Variants in ARID5A observed in about 807,000 individuals in gnomAD.
ARID5A encodes AT-rich interaction domain 5A, also known as AT-rich interactive domain-containing protein 5A.
Under a neutral mutation model 30.5 loss-of-function variants are expected in ARID5A, and 14 were observed. The observed-to-expected ratio is 0.46, with a 90% CI of 0.30 to 0.72. ARID5A has a LOEUF of 0.72. Among genes scored for constraint, ARID5A ranks in the 30% least tolerant of loss-of-function variants. The pLI, the probability that ARID5A is intolerant of heterozygous loss-of-function variation, is 0.07. For missense variants in ARID5A, 669 were observed against 786.2 expected (o/e 0.85, Z 1.78); for synonymous variants, 338 against 340.4 (o/e 0.99, Z 0.08).
chr2:96,536,799 G>C lies in ARID5A; in HGVS notation c.-28G>C. The C allele has an allele frequency of 8.1e-7, 1 of 1,227,462 alleles. No individual in the cohort carries two copies. The highest frequency in any genetic ancestry group is 1.0e-6 in the Non-Finnish European group (1 of 985,068). 76.0% of individuals were successfully genotyped at this position (1,227,462 alleles called of 1,614,324 possible). A position where few individuals can be genotyped will look rare whatever the true frequency, so the allele number is the denominator to read the frequency against. On this transcript the variant is annotated 5_prime_UTR_variant, in exon 1 of 7. Transcript: ENST00000357485. ...GACAGCCGCGCGCTGAGGGTCTCGG[G>C]GCGGGCGCCGCGGGACCTCTCCGGG...
intron 1 of ARID5A, among the ~76,000 whole-genome samples, chr2:96,538,682 C>G (rs1168810019): frequency 6.6e-6 from 1 of 152,252 alleles, no homozygotes; most frequent in African/African-American, 2.4e-5. Context: ...CAAAGGCTGT[C>G]TTTGTTTTGC....
chr2:96,552,109 C>A lies in ARID5A; in HGVS notation c.1581C>A (p.Ser527Arg), dbSNP rs1213626646. Residue 527 changes from serine (S) to arginine (R), a missense_variant, in exon 7 of 7, where the codon AGC (serine) becomes AGA (arginine). Around this residue, in one of 4 missense-constraint regions of ARID5A, gnomAD observed 548 missense variants for 577.4 expected, o/e 0.95. Coordinates refer to ENST00000357485, the MANE Select transcript of ARID5A (RefSeq NM_212481.3). ...PLKGQAALPF[S>R]PLVIPAFPAH... The stretch of plus-strand genomic sequence containing the variant: ...AGGGCCAGGCTGCACTCCCCTTCAG[C>A]CCCCTGGTCATCCCGGCCTTCCCGG... 1 of 1,606,964 alleles carries A rather than the reference C, an allele frequency of 6.2e-7. No homozygotes were observed. The highest frequency in any genetic ancestry group is 8.5e-7 in the Non-Finnish European group (1 of 1,176,752).
At position 96,551,294 on chromosome 2, in the gene ARID5A, T is replaced by C; in HGVS notation, c.766T>C (p.Ser256Pro). The change falls in exon 7 of 7, where the codon TCA (serine) becomes CCA (proline). Residue 256 changes from serine to proline, a missense_variant. Physicochemically the swap from Ser to Pro is moderately conservative, Grantham distance 74. Transcript: ENST00000357485. ...CTGCAAGGGGACACACGGCATCATG[T>C]CACCACTGGCCAAAAAGAAGCTCCT... ...FYCKGTHGIMSPLAKKKLLAQ... is the reference protein window; with the variant it reads ...FYCKGTHGIMPPLAKKKLLAQ... The C allele has an allele frequency of 6.2e-7, 1 of 1,613,848 alleles. No homozygotes were observed. Among genetic ancestry groups the C allele is most frequent in the Non-Finnish European group, 8.5e-7 (1 of 1,180,006 alleles).
intron 1 of ARID5A, among the ~76,000 whole-genome samples, chr2:96,540,287 A>G (rs924923166): frequency 3.3e-5 from 5 of 152,176 alleles, no homozygotes; most frequent in Non-Finnish European, 7.3e-5. Context: ...GACAGGAGCT[A>G]TGGAGTTGGA....
chr2:96,552,140 T>A lies in ARID5A; in HGVS notation c.1612T>A (p.Phe538Ile). 6.2e-7 allele frequency: 1 copy of A among 1,612,750 alleles called. No homozygotes were observed. The highest frequency in any genetic ancestry group is 1.1e-5 in the South Asian group (1 of 91,000). The change falls in exon 7 of 7, where the codon TTC becomes ATC. Residue 538 changes from phenylalanine to isoleucine, a missense_variant. Phe to Ile is a conservative substitution (Grantham distance 21). Around this residue, in one of 4 missense-constraint regions of ARID5A, gnomAD observed 548 missense variants for 577.4 expected, o/e 0.95. Transcript: ENST00000357485. ...PLVIPAFPAH[F>I]LATAGPSPMA... ...GGTCATCCCGGCCTTCCCGGCCCAC[T>A]TCCTGGCCACCGCAGGCCCCTCGCC...
intron 1 of ARID5A, among the ~76,000 whole-genome samples, chr2:96,538,513 T>C (rs2065784939): frequency 6.6e-6 from 1 of 152,178 alleles, no homozygotes; most frequent in Non-Finnish European, 1.5e-5. Flanking sequence ...TGTGCCCTGT[T>C]AGGGAGTGGG....
chr2:96,545,896 G>A (rs2065919195), intron 1 of ARID5A, among the ~76,000 whole-genome samples: 1 of 151,976 alleles, frequency 6.6e-6, no homozygotes, highest in African/African-American at 2.4e-5. Context: ...GAAGATTGCA[G>A]TGAGCCAAGA....
intron 1 of ARID5A, among the ~76,000 whole-genome samples, chr2:96,545,882 A>G (rs1352632479): frequency 6.6e-6 from 1 of 151,960 alleles, no homozygotes; most frequent in Non-Finnish European, 1.5e-5. Flanking sequence ...TGAACCTGGG[A>G]GGCGAAGATT....
chr2:96,541,322 T>A (rs2065842848), intron 1 of ARID5A, among the ~76,000 whole-genome samples: 1 of 152,198 alleles, frequency 6.6e-6, no homozygotes, highest in African/African-American at 2.4e-5. Flanking sequence ...TGTTTTTTTT[T>A]AAAGGGAATG....
Position 96,552,180 on chromosome 2 carries a change from T to C in ARID5A, c.1652T>C (p.Leu551Pro), listed in dbSNP as rs2066065655. Residue 551 changes from leucine to proline, a missense_variant, in exon 7 of 7, where the codon CTG becomes CCG. Transcript: ENST00000357485. ...TAGPSPMAAG[L>P]MHFPPTSFDS... ...GGCCCCTCGCCCATGGCCGCTGGCC[T>C]GATGCACTTCCCCCCAACGTCCTTC... The C allele has an allele frequency of 3.1e-6, 5 of 1,613,398 alleles. No homozygotes were observed. Among genetic ancestry groups the C allele is most frequent in the Non-Finnish European group, 4.2e-6 (5 of 1,180,014 alleles).
At chr2:96,542,640 C>T (rs1186787452) in intron 1 of ARID5A, among the ~76,000 whole-genome samples, 3 of 152,144 alleles carry the variant, frequency 2.0e-5, no homozygotes, top group Admixed American at 1.3e-4. Flanking sequence ...AGGATGGGGC[C>T]GGAGCATTAT....
intron 2 of ARID5A, among the ~76,000 whole-genome samples, chr2:96,548,251 T>C (rs2065963451): frequency 6.6e-6 from 1 of 151,160 alleles, no homozygotes; most frequent in African/African-American, 2.4e-5. Context: ...GTAAAAACAC[T>C]GAAATAAACT....
In ARID5A at chr2:96,550,250, C is replaced by T. The variant is rs1467964550; in HGVS notation, c.375C>T (p.Thr125=). Reference sequence around the variant, plus strand: ...AGCTGGGGGGCAGCCCAGGCAGCACCAGCGCGGCCACGTGCACGCGCCGCC... The same window carrying T: ...AGCTGGGGGGCAGCCCAGGCAGCACTAGCGCGGCCACGTGCACGCGCCGCC... ...YDELGGSPGS[T]SAATCTRRHY... is the part of the protein sequence containing the mutation. Residue 125 remains threonine (T), a synonymous_variant, in exon 5 of 7, where the codon ACC becomes ACT. Transcript: ENST00000357485. The surrounding 1 kb of genome is among the most constrained non-coding windows in gnomAD (Gnocchi z 6.6). The T allele has an allele frequency of 6.7e-7, 1 of 1,501,916 alleles. No homozygotes were observed. The highest frequency in any genetic ancestry group is 8.8e-7 in the Non-Finnish European group (1 of 1,131,134). 93.0% of individuals were successfully genotyped at this position (1,501,916 alleles called of 1,614,324 possible). A position where few individuals can be genotyped will look rare whatever the true frequency, so the allele number is the denominator to read the frequency against.
chr2:96,552,352 G>C lies in ARID5A; in HGVS notation c.*39G>C, dbSNP rs747154657. 36 of 1,612,610 alleles carry C rather than the reference G, an allele frequency of 2.2e-5. No individual in the cohort carries two copies. The South Asian group carries it at 3.5e-4, about 16-fold the overall frequency. ...GTTGTGTACACTGTGGAGTCGACAG[G>C]GGCCTACAACAGGCAGGTACTGCTG... On this transcript the variant is annotated 3_prime_UTR_variant, in exon 7 of 7. Transcript: ENST00000357485.
chr2:96,550,764 T>C lies in ARID5A; in HGVS notation c.570+31T>C. Reference sequence around the variant, plus strand: ...CCTGCGGCTGGCTGGGGCCACCCTGTCCCTTGCCTCTTGTAGCCCCCTACC... The same window carrying C: ...CCTGCGGCTGGCTGGGGCCACCCTGCCCCTTGCCTCTTGTAGCCCCCTACC... On this transcript the variant is annotated intron_variant, in intron 6 of 6. Transcript: ENST00000357485. The surrounding 1 kb of genome is among the most constrained non-coding windows in gnomAD (Gnocchi z 6.6). 6.6e-7 allele frequency: 1 copy of C among 1,518,560 alleles called. No individual in the cohort carries two copies. The highest frequency in any genetic ancestry group is 8.8e-7 in the Non-Finnish European group (1 of 1,130,974). 94.1% of individuals were successfully genotyped at this position (1,518,560 alleles called of 1,614,324 possible). A position where few individuals can be genotyped will look rare whatever the true frequency, so the allele number is the denominator to read the frequency against.
chr2:96,546,674 G>C (rs1187603455), intron 1 of ARID5A, among the ~76,000 whole-genome samples: 1 of 152,236 alleles, frequency 6.6e-6, no homozygotes, highest in African/African-American at 2.4e-5. Context: ...CCCAGAGGAA[G>C]GCACTTGTCA....
Position 96,537,010 on chromosome 2 carries a change from A to G in ARID5A, c.4+180A>G, listed in dbSNP as rs1475667985. ...GGGAGCGAGCCCGGCCCGCGGCTTCAGCGCTCCCCGGCCGGCGCGGAAGGG... is the reference window on the plus strand; with the variant it reads ...GGGAGCGAGCCCGGCCCGCGGCTTCGGCGCTCCCCGGCCGGCGCGGAAGGG... On this transcript the variant is annotated intron_variant, in intron 1 of 6. Transcript: ENST00000357485. This position sits in a 1 kb window ranked among gnomAD's most constrained non-coding sequence, Gnocchi z 4.8. 1.3e-5 allele frequency among the ~76,000 whole-genome samples: 2 copies of G among 151,732 alleles called. No homozygotes were observed. Among genetic ancestry groups the G allele is most frequent in the Non-Finnish European group, 2.9e-5 (2 of 67,880 alleles).
intron 1 of ARID5A, among the ~76,000 whole-genome samples, chr2:96,545,127 TTCTTTC>T (rs1467232565): frequency 1.3e-5 from 2 of 151,634 alleles, no homozygotes; most frequent in Non-Finnish European, 2.9e-5. Flanking sequence ...TTCTTTTTTT[TTCTTTC>T]CTTTTCTTTT....
At chr2:96,538,853 A>G (rs967028032) in intron 1 of ARID5A, among the ~76,000 whole-genome samples, 4 of 152,156 alleles carry the variant, frequency 2.6e-5, no homozygotes, top group African/African-American at 9.7e-5. Flanking sequence ...CTTCCTTCCC[A>G]TCACACCCAG....
Sources: gnomAD v4.1 joint callset for allele counts (sites outside exome capture counted in the v4.1 genomes callset) on GRCh38, gnomAD v4.1.1 for gene constraint, gnomAD v4.1.1 regional missense constraint, Gnocchi (gnomAD v3.1) non-coding constraint, MANE v1.5 for transcripts, NCBI Gene and HGNC (gene_info 2026-07-23, HGNC 2026-07-21) for gene names.